Variants in GRID2 observed in about 807,000 individuals in gnomAD.
GRID2 encodes the protein glutamate ionotropic receptor delta type subunit 2, also known as glutamate receptor ionotropic, delta-2.
In GRID2, 33 loss-of-function variants were observed where a neutral mutation model predicts 114.8. The observed-to-expected ratio is 0.29, with a 90% CI of 0.22 to 0.38. The LOEUF is 0.38. Ranked by LOEUF, GRID2 falls within the 10% of genes least tolerant of loss-of-function variation. The pLI, the probability that GRID2 is intolerant of heterozygous loss-of-function variation, is 1.00. For missense variants in GRID2, 1,184 were observed against 1,257.7 expected (o/e 0.94, Z 0.89); for synonymous variants, 505 against 449.9 (o/e 1.12, Z -1.55).
intron 2 of GRID2, among the ~76,000 whole-genome samples, chr4:92,679,781 A>G (rs1171944560): frequency 1.3e-5 from 2 of 152,078 alleles, no homozygotes; most frequent in Non-Finnish European, 1.5e-5. Context: ...ATTTACAGCT[A>G]TGTCTGTCAT....
In GRID2 at chr4:92,519,107, C is replaced by T. The variant is rs192609971; in HGVS notation, c.89-71024C>T. The stretch of plus-strand genomic sequence containing the variant: ...GGAAATAAATATGCATATTGAAATA[C>T]ATGTATCAAATTTAACCTTTATTTA... On this transcript the variant is annotated intron_variant, in intron 1 of 15. Transcript: ENST00000282020. 2.2e-3 allele frequency among the ~76,000 whole-genome samples: 334 copies of T among 151,882 alleles called. 2 individuals carry two copies. Among genetic ancestry groups the T allele is most frequent in the African/African-American group, 7.8e-3 (322 of 41,468 alleles).
intron 2 of GRID2, among the ~76,000 whole-genome samples, chr4:92,996,382 C>T (rs1164616024): frequency 6.6e-6 from 1 of 151,754 alleles, no homozygotes; most frequent in Non-Finnish European, 1.5e-5. Context: ...TTTATCATAT[C>T]ATATTATACA....
chr4:93,251,915 G>T (rs944971282), intron 8 of GRID2, among the ~76,000 whole-genome samples: 1 of 152,086 alleles, frequency 6.6e-6, no homozygotes, highest in African/African-American at 2.4e-5. Context: ...CCATGTCCTT[G>T]CTATTGTGAA....
chr4:93,377,957 A>T (rs903606399), intron 8 of GRID2, among the ~76,000 whole-genome samples: 1 of 152,180 alleles, frequency 6.6e-6, no homozygotes, highest in Non-Finnish European at 1.5e-5. Context: ...ATATTTTATA[A>T]TTTCAACTTT....
At chr4:93,606,715 A>G (rs1476538073) in intron 13 of GRID2, among the ~76,000 whole-genome samples, 1 of 152,156 alleles carries the variant, frequency 6.6e-6, no homozygotes, top group African/African-American at 2.4e-5. Context: ...TTTAAAGTTA[A>G]GGTGTGTCAA....
intron 4 of GRID2, among the ~76,000 whole-genome samples, chr4:93,187,145 T>C (rs1740499124): frequency 6.6e-6 from 1 of 152,170 alleles, no homozygotes; most frequent in Admixed American, 6.6e-5. Context: ...GTCACTTTGA[T>C]GAGTAGGTTT....
intron 1 of GRID2, among the ~76,000 whole-genome samples, chr4:93,803,171 T>A (rs192672566): frequency 2.0e-5 from 3 of 152,332 alleles, no homozygotes; most frequent in African/African-American, 4.8e-5. Context: ...TTCTTCCATT[T>A]TCTTAAGCAA....
chr4:92,394,001 A>G (rs1730375854), intron 1 of GRID2, among the ~76,000 whole-genome samples: 1 of 152,092 alleles, frequency 6.6e-6, no homozygotes, highest in Non-Finnish European at 1.5e-5. Context: ...TTCAGTGATC[A>G]TATTTTCAAT....
chr4:93,204,740 C>T (rs528924801), intron 4 of GRID2, among the ~76,000 whole-genome samples: 20 of 152,282 alleles, frequency 1.3e-4, no homozygotes, highest in South Asian at 2.1e-4. Flanking sequence ...TTACCTTCTA[C>T]TTAGTCCATA....
At chr4:93,360,838 T>A (rs1385222802) in intron 8 of GRID2, among the ~76,000 whole-genome samples, 1 of 151,936 alleles carries the variant, frequency 6.6e-6, no homozygotes. Context: ...TTTAAATTTT[T>A]TTTACTCCAC....
At chr4:92,871,252 T>G (rs890224262) in intron 2 of GRID2, among the ~76,000 whole-genome samples, 6 of 152,092 alleles carry the variant, frequency 3.9e-5, no homozygotes, top group Non-Finnish European at 8.8e-5. Flanking sequence ...TTATTTACTT[T>G]TTTTTTTTAA....
At chr4:93,667,432 A>G (rs1267856578) in intron 14 of GRID2, among the ~76,000 whole-genome samples, 1 of 151,074 alleles carries the variant, frequency 6.6e-6, no homozygotes, top group African/African-American at 2.4e-5. Flanking sequence ...GGCCTTAGTG[A>G]TAACCAGGAG....
chr4:93,422,981 T>G lies in GRID2; in HGVS notation c.1545+13T>G, dbSNP rs771095344. On this transcript the variant is annotated intron_variant, in intron 10 of 15. Transcript: ENST00000282020. Reference sequence around the variant, plus strand: ...ACTTGTCTTTAAGGTAAGAATTACTTTATTTATTTGTCTCATACTTAAAGG... The same window carrying G: ...ACTTGTCTTTAAGGTAAGAATTACTGTATTTATTTGTCTCATACTTAAAGG... 2.6e-6 allele frequency: 4 copies of G among 1,557,368 alleles called. No homozygotes were observed. Among genetic ancestry groups the G allele is most frequent in the Non-Finnish European group, 3.5e-6 (4 of 1,128,770 alleles).
intron 8 of GRID2, among the ~76,000 whole-genome samples, chr4:93,357,995 ATAT>A (rs542690640): frequency 8.6e-4 from 131 of 151,904 alleles, no homozygotes; most frequent in African/African-American, 1.5e-3. Context: ...CTTTTTCAAA[ATAT>A]TATTATTCTT....
chr4:92,922,537 A>C (rs1191433845), intron 2 of GRID2, among the ~76,000 whole-genome samples: 1 of 152,196 alleles, frequency 6.6e-6, no homozygotes, highest in African/African-American at 2.4e-5. Flanking sequence ...TGTAAAAATG[A>C]ACTGCTCTGA....
chr4:93,357,452 T>C (rs1761450175), intron 8 of GRID2, among the ~76,000 whole-genome samples: 1 of 151,508 alleles, frequency 6.6e-6, no homozygotes, highest in Non-Finnish European at 1.5e-5. Flanking sequence ...TTCTTTAAAT[T>C]TTTCCTATTT....
At chr4:93,726,913 C>A (rs1396607155) in intron 14 of GRID2, among the ~76,000 whole-genome samples, 1 of 152,196 alleles carries the variant, frequency 6.6e-6, no homozygotes, top group Non-Finnish European at 1.5e-5. Context: ...TCTAGATATA[C>A]AATCATGTCA....
At position 93,202,026 on chromosome 4, in the gene GRID2, T is replaced by C. The variant is rs182230518; in HGVS notation, c.736-5378T>C. ...TACATTGCTATATTTCAAAGTGGCA[T>C]CAACTCTATATGAACATGTCATGCT... On this transcript the variant is annotated intron_variant, in intron 4 of 15. Transcript: ENST00000282020. 3.9e-5 allele frequency among the ~76,000 whole-genome samples: 6 copies of C among 152,278 alleles called. No homozygotes were observed. In the East Asian group the frequency reaches 7.7e-4, roughly 20 times the overall value.
At chr4:92,719,266 C>A (rs750460904) in intron 2 of GRID2, among the ~76,000 whole-genome samples, 50 of 152,096 alleles carry the variant, frequency 3.3e-4, no homozygotes, top group Admixed American at 3.3e-3. Context: ...GGATTACAGG[C>A]ATGAGTCACT....
Sources: allele counts gnomAD v4.1 joint callset (sites outside exome capture counted in the v4.1 genomes callset), GRCh38; gene constraint gnomAD v4.1.1; transcripts MANE v1.5; gene names NCBI Gene and HGNC (gene_info 2026-07-23, HGNC 2026-07-21).